The following ZBTB20 variants were observed in gnomAD, a reference collection of about 807,000 sequenced individuals.
The protein encoded by ZBTB20 is zinc finger and BTB domain-containing protein 20.
In ZBTB20, 9 loss-of-function variants were observed where a neutral mutation model predicts 56.9. The ratio of observed to expected loss-of-function variants is 0.16; its 90% confidence interval spans 0.10 to 0.28. The LOEUF (loss-of-function observed/expected upper bound fraction) is 0.28, where lower values mean the gene tolerates loss of function less well. Ranked by LOEUF, ZBTB20 falls within the 10% of genes least tolerant of loss-of-function variation. The pLI is 1.00. For missense variants in ZBTB20, 655 were observed against 1,003.0 expected, an observed-to-expected ratio of 0.65 and a Z score of 4.69; for synonymous variants, 417 against 420.7, an observed-to-expected ratio of 0.99 and a Z score of 0.11.
At chr3:114,473,236 T>C (rs1313071143) in intron 7 of ZBTB20, among the ~76,000 whole-genome samples, 1 of 152,220 alleles carries the variant, frequency 6.6e-6, no homozygotes, top group Non-Finnish European at 1.5e-5. Context: ...ACACACTACA[T>C]ATCTTTCACA....
chr3:114,341,264 CT>C (rs35387583), intron 11 of ZBTB20, among the ~76,000 whole-genome samples: 65,512 of 148,386 alleles, frequency 0.44, 14,951 homozygotes, highest in East Asian at 0.85. Flanking sequence ...ACATTGGTAC[CT>C]TTTTTTTTTT....
Position 114,331,997 on chromosome 3 carries a change from GC to G in ZBTB20, c.*7007del, listed in dbSNP as rs2079274988. ...CATTATTAGAATCTACATATAAATT[GC>G]AATGAGTTTGCTGGGTAAAAACAAC... On this transcript the variant is annotated 3_prime_UTR_variant, in exon 12 of 12. Coordinates refer to ENST00000675478, the MANE Select transcript of ZBTB20 (RefSeq NM_001348800.3). 2 of 150,090 alleles carry G rather than the reference GC, an allele frequency of 1.3e-5. No individual in the cohort carries two copies. The highest frequency in any genetic ancestry group is 1.3e-4 in the Admixed American group (2 of 15,038). 9.3% of individuals were successfully genotyped at this position (150,090 alleles called of 1,614,324 possible).
intron 3 of ZBTB20, among the ~76,000 whole-genome samples, chr3:114,934,968 T>C (rs1405551680): frequency 2.0e-5 from 3 of 152,194 alleles, no homozygotes; most frequent in Non-Finnish European, 4.4e-5. Flanking sequence ...GTAAAATAGC[T>C]TTCTGTTTTA....
chr3:114,316,810 A>G lies in ZBTB20; in HGVS notation c.*22195T>C, dbSNP rs1193521476. 3.5e-6 allele frequency: 1 copy of G among 287,026 alleles called. No individual in the cohort carries two copies. Among genetic ancestry groups the G allele is most frequent in the East Asian group, 1.2e-4 (1 of 8,498 alleles). The allele number at this position is 287,026 out of a possible 1,614,324, so 17.8% of individuals were successfully genotyped here. A position where few individuals can be genotyped will look rare whatever the true frequency, so the allele number is the denominator to read the frequency against. Reference sequence around the variant, plus strand: ...TGGTCATGCTGGGGGCTGACGTGGCAGTGCCAGGCTCGTGCCTGAGTGATT... The same window carrying G: ...TGGTCATGCTGGGGGCTGACGTGGCGGTGCCAGGCTCGTGCCTGAGTGATT... On this transcript the variant is annotated 3_prime_UTR_variant, in exon 12 of 12. Transcript: ENST00000675478.
rs527257379 is a variant in ZBTB20, at chr3:114,816,608, A to T, written c.-416-15434T>A. Among the ~76,000 whole-genome samples the T allele has an allele frequency of 2.6e-5, 4 of 152,276 alleles. No homozygotes were observed. The East Asian group carries it at 7.7e-4, about 29-fold the overall frequency. ...AAAGTTTAAAATGAATGGGCCTATG[A>T]AATAAAAATCTCATGAAAGCCCAAA... On this transcript the variant is annotated intron_variant, in intron 4 of 11. Transcript: ENST00000675478.
At chr3:114,446,738 G>A (rs976433934) in intron 7 of ZBTB20, among the ~76,000 whole-genome samples, 1 of 152,114 alleles carries the variant, frequency 6.6e-6, no homozygotes, top group Non-Finnish European at 1.5e-5. Flanking sequence ...GGCCTACGGC[G>A]GCTGCTTAGG....
intron 3 of ZBTB20, among the ~76,000 whole-genome samples, chr3:114,943,252 G>A (rs2076777971): frequency 6.9e-6 from 1 of 145,304 alleles, no homozygotes; most frequent in Non-Finnish European, 1.5e-5. Flanking sequence ...ATAAGATTAA[G>A]TAAATTACCT....
Position 114,350,879 on chromosome 3 carries a change from C to G in ZBTB20, c.1199G>C (p.Arg400Pro). The G allele has an allele frequency of 6.2e-7, 1 of 1,608,270 alleles. No homozygotes were observed. Among genetic ancestry groups the G allele is most frequent in the Middle Eastern group, 1.6e-4 (1 of 6,062 alleles). ...TTGGGTGGGTTCAGCCTGGCTGTCC[C>G]GCGCCGCCCCAGGCCCAAACTGCTG... ...VEQQFGPGAA[R>P]DSQAEPTQPE... Residue 400 changes from arginine (R) to proline (P), a missense_variant, in exon 11 of 12, where the codon CGG (arginine) becomes CCG (proline). Arg to Pro is a moderately radical substitution (Grantham distance 103). Around this residue, in one of 10 missense-constraint regions of ZBTB20, gnomAD observed 156 missense variants for 181.0 expected, o/e 0.86. Transcript: ENST00000675478.
At chr3:115,042,873 T>C (rs1481480174) in intron 2 of ZBTB20, among the ~76,000 whole-genome samples, 2 of 152,252 alleles carry the variant, frequency 1.3e-5, no homozygotes, top group African/African-American at 2.4e-5. Flanking sequence ...CCATGCTTTA[T>C]GATCATACCC....
chr3:114,997,555 T>C (rs1248848533), intron 2 of ZBTB20, among the ~76,000 whole-genome samples: 1 of 151,652 alleles, frequency 6.6e-6, no homozygotes. Flanking sequence ...AGTTTTCTTT[T>C]TCTTTTCTTT....
chr3:114,927,144 G>A (rs968507307), intron 3 of ZBTB20, among the ~76,000 whole-genome samples: 3 of 152,198 alleles, frequency 2.0e-5, no homozygotes, highest in African/African-American at 7.2e-5. Flanking sequence ...TGCTCACTAA[G>A]ATAAATGCAT....
At chr3:115,037,397 G>A (rs1280147059) in intron 2 of ZBTB20, among the ~76,000 whole-genome samples, 1 of 152,074 alleles carries the variant, frequency 6.6e-6, no homozygotes, top group African/African-American at 2.4e-5. Flanking sequence ...CAATTCTCCT[G>A]CCTCAGCCTC....
intron 7 of ZBTB20, chr3:114,453,453 G>GTACC (rs1232479235): frequency 7.2e-5 from 11 of 152,150 alleles, no homozygotes; most frequent in African/African-American, 2.7e-4. Context: ...ATGAACTGAT[G>GTACC]TACCCCATTG....
intron 6 of ZBTB20, among the ~76,000 whole-genome samples, chr3:114,549,819 C>T (rs1475768472): frequency 6.6e-6 from 1 of 150,426 alleles, no homozygotes; most frequent in Admixed American, 6.6e-5. Context: ...AAGAGGTATA[C>T]CTTGTACCTG....
chr3:114,435,327 C>G (rs1667408983), intron 7 of ZBTB20, among the ~76,000 whole-genome samples: 1 of 152,078 alleles, frequency 6.6e-6, no homozygotes. Flanking sequence ...CACTGTTTTT[C>G]TTTATGCATG....
At chr3:114,897,496 C>A (rs1055056194) in intron 4 of ZBTB20, among the ~76,000 whole-genome samples, 1 of 152,098 alleles carries the variant, frequency 6.6e-6, no homozygotes, top group Non-Finnish European at 1.5e-5. Flanking sequence ...TGCAATAATG[C>A]TCAGGAATCC....
In ZBTB20 at chr3:114,316,940, TG is replaced by T. The variant is rs762308291; in HGVS notation, c.*22064del. 2.0e-5 allele frequency: 4 copies of T among 201,658 alleles called. No individual in the cohort carries two copies. Among genetic ancestry groups the T allele is most frequent in the Non-Finnish European group, 4.1e-5 (4 of 97,804 alleles). 12.5% of individuals were successfully genotyped at this position (201,658 alleles called of 1,614,324 possible). A position where few individuals can be genotyped will look rare whatever the true frequency, so the allele number is the denominator to read the frequency against. On this transcript the variant is annotated 3_prime_UTR_variant, in exon 12 of 12. Transcript: ENST00000675478. Reference sequence around the variant, plus strand: ...GAAGGAAAGCTCAGATGAGGAAGAATGAAGTATTGTGTTTACGTATCAAAAT... The same window carrying T: ...GAAGGAAAGCTCAGATGAGGAAGAATAAGTATTGTGTTTACGTATCAAAAT...
intron 5 of ZBTB20, among the ~76,000 whole-genome samples, chr3:114,765,463 C>T (rs1432316534): frequency 6.6e-6 from 1 of 152,052 alleles, no homozygotes; most frequent in African/African-American, 2.4e-5. Context: ...GGAATTCCAA[C>T]GATTGCCATA....
At chr3:115,042,679 C>A (rs1338116670) in intron 2 of ZBTB20, among the ~76,000 whole-genome samples, 1 of 152,190 alleles carries the variant, frequency 6.6e-6, no homozygotes, top group Non-Finnish European at 1.5e-5. Flanking sequence ...CATATATACC[C>A]ACACTCATAC....
Sources: gnomAD v4.1 joint callset for allele counts (sites outside exome capture counted in the v4.1 genomes callset) on GRCh38, gnomAD v4.1.1 for gene constraint, gnomAD v4.1.1 regional missense constraint, MANE v1.5 for transcripts, NCBI Gene and HGNC (gene_info 2026-07-23, HGNC 2026-07-21) for gene names.